The following PCDHA10 variants were observed in gnomAD, a reference collection of about 807,000 sequenced individuals.
The protein encoded by PCDHA10 is protocadherin alpha 10.
Under a neutral mutation model 61.2 loss-of-function variants are expected in PCDHA10, and 45 were observed. The ratio of observed to expected loss-of-function variants is 0.74; its 90% CI spans 0.58 to 0.94. The LOEUF is 0.94. PCDHA10 is among the 40% of genes least tolerant of loss of function. The probability of loss-of-function intolerance (pLI) is 0.00; values close to 1 mark genes in which losing one functional copy is unlikely to be tolerated. For synonymous variants in PCDHA10, 602 were observed against 548.8 expected (o/e 1.10, Z -1.35); for missense variants, 1,278 against 1,236.2 (o/e 1.03, Z -0.51).
At chr5:140,868,877 C>A in intron 1 of PCDHA10, 1 of 684,342 alleles carries the variant, frequency 1.5e-6, no homozygotes, top group Non-Finnish European at 2.3e-6. Flanking sequence ...GCACAGTACT[C>A]ACAGTTTTAG....
chr5:140,883,412 A>G, intron 1 of PCDHA10: 1 of 1,614,152 alleles, frequency 6.2e-7, no homozygotes, highest in African/African-American at 1.3e-5. Context: ...CTCTGGCTCA[A>G]ATGGACAGGT....
In PCDHA10 at chr5:140,857,548, G is replaced by C. The variant is rs782667639; in HGVS notation, c.1500G>C (p.Glu500Asp). Reference sequence around the variant, plus strand: ...CTCTGGTGGAGCGGCGGTTGGGCGAGCGCTCGCTGTCGAGCTACGTGTCGG... The same window carrying C: ...CTCTGGTGGAGCGGCGGTTGGGCGACCGCTCGCTGTCGAGCTACGTGTCGG... ...SYSLVERRLG[E>D]RSLSSYVSVH... Residue 500 changes from glutamate to aspartate, a missense_variant, in exon 1 of 4, where the codon GAG becomes GAC. Coordinates refer to ENST00000307360, the MANE Select transcript of PCDHA10 (RefSeq NM_018901.4). The C allele has an allele frequency of 5.1e-5, 81 of 1,596,888 alleles. 3 individuals are homozygous for C. In the Middle Eastern group the frequency reaches 9.5e-4, roughly 19 times the overall value.
intron 1 of PCDHA10, chr5:140,870,584 T>A (rs782563992): frequency 1.1e-5 from 18 of 1,613,672 alleles, no homozygotes; most frequent in Non-Finnish European, 1.3e-5. Flanking sequence ...TACTCGCTGG[T>A]GGAGCGGCGG....
intron 1 of PCDHA10, chr5:140,878,044 G>A (rs1554170271): frequency 1.9e-6 from 1 of 516,218 alleles, no homozygotes; most frequent in Admixed American, 3.9e-5. Flanking sequence ...TGGAGGCCAT[G>A]GAGCACCACA....
intron 1 of PCDHA10, among the ~76,000 whole-genome samples, chr5:140,925,728 TAAATATTTACAGAAAGA>T (rs1554202900): frequency 6.6e-6 from 1 of 151,870 alleles, no homozygotes; most frequent in African/African-American, 2.4e-5. Context: ...TGGTGTTTTC[TAAATATTTACAGAAAGA>T]AAATTTACAG....
chr5:140,975,056 A>C (rs1006106436), intron 1 of PCDHA10, among the ~76,000 whole-genome samples: 1 of 152,154 alleles, frequency 6.6e-6, no homozygotes, highest in Non-Finnish European at 1.5e-5. Flanking sequence ...AGAATCTACT[A>C]TCGAGCTCAT....
intron 1 of PCDHA10, chr5:140,862,433 G>C (rs781821294): frequency 2.8e-6 from 1 of 354,766 alleles, no homozygotes; most frequent in African/African-American, 2.1e-5. Context: ...GAAACTATTC[G>C]TTGGTACTCC....
chr5:140,951,544 G>T (rs543008494), intron 1 of PCDHA10, among the ~76,000 whole-genome samples: 1 of 151,878 alleles, frequency 6.6e-6, no homozygotes, highest in Non-Finnish European at 1.5e-5. Flanking sequence ...AGCAAGGGAC[G>T]GGGGGAAGTG....
At chr5:140,861,422 T>G in intron 1 of PCDHA10, 1 of 482,430 alleles carries the variant, frequency 2.1e-6, no homozygotes, top group Admixed American at 2.1e-5. Flanking sequence ...CGCGCCTGTT[T>G]CAGTTGGATT....
intron 1 of PCDHA10, among the ~76,000 whole-genome samples, chr5:140,898,811 C>T (rs1277456601): frequency 6.6e-6 from 1 of 152,190 alleles, no homozygotes; most frequent in Non-Finnish European, 1.5e-5. Context: ...ACTGATTCTT[C>T]CTACCCATGA....
chr5:140,884,352 A>C, intron 1 of PCDHA10: 1 of 1,613,828 alleles, frequency 6.2e-7, no homozygotes, highest in African/African-American at 1.3e-5. Context: ...GCGCTGGTGG[A>C]TGTCAATGTT....
rs80062832 is a variant in PCDHA10 at position 140,889,250 on chromosome 5, C to T, written c.2388+30814C>T. ...AAAACTTCCAGAAAATTTTCTGTTT[C>T]CTGTAAAAGTTTGTATAATCTTTGA... On this transcript the variant is annotated intron_variant, in intron 1 of 3. Transcript: ENST00000307360. Among the ~76,000 whole-genome samples, 79 of 151,798 alleles carry T rather than the reference C, an allele frequency of 5.2e-4. No homozygotes were observed. In the East Asian group the frequency reaches 0.014, roughly 27 times the overall value.
rs1197189729 is a variant in PCDHA10, at chr5:141,011,926, G to A, written c.*1989G>A. On this transcript the variant is annotated 3_prime_UTR_variant, in exon 4 of 4. Transcript: ENST00000307360. ...TTAGGCATTAATATAAAAGAGGTAG[G>A]AGTCTGTTATTTAAAAAAAGCATTA... 1 of 153,498 alleles carries A rather than the reference G, an allele frequency of 6.5e-6. No individual in the cohort carries two copies. Among genetic ancestry groups the A allele is most frequent in the African/African-American group, 2.4e-5 (1 of 41,380 alleles). 9.5% of individuals were successfully genotyped at this position (153,498 alleles called of 1,614,324 possible).
chr5:140,971,392 T>C (rs1399891976), intron 1 of PCDHA10, among the ~76,000 whole-genome samples: 1 of 152,154 alleles, frequency 6.6e-6, no homozygotes, highest in East Asian at 1.9e-4. Flanking sequence ...TAAAGGCAAA[T>C]TTCTGCCAGG....
intron 3 of PCDHA10, among the ~76,000 whole-genome samples, chr5:140,996,177 C>T (rs1214472705): frequency 6.6e-6 from 1 of 152,226 alleles, no homozygotes; most frequent in Non-Finnish European, 1.5e-5. Flanking sequence ...GCTGACAGCA[C>T]CTCCATTTTA....
intron 1 of PCDHA10, among the ~76,000 whole-genome samples, chr5:140,939,327 C>T (rs2092367339): frequency 6.6e-6 from 1 of 152,146 alleles, no homozygotes; most frequent in South Asian, 2.1e-4. Flanking sequence ...ATATCATAAT[C>T]TTAGGGGTTA....
At chr5:140,996,431 T>C (rs1294673547) in intron 3 of PCDHA10, among the ~76,000 whole-genome samples, 1 of 152,182 alleles carries the variant, frequency 6.6e-6, no homozygotes, top group African/African-American at 2.4e-5. Flanking sequence ...ACTTTGGGAA[T>C]AGTCAGTGTC....
At chr5:140,858,533 T>C in intron 1 of PCDHA10, 97 bp downstream of exon 1, 4 of 1,397,322 alleles carry the variant, frequency 2.9e-6, no homozygotes, top group Non-Finnish European at 4.0e-6. Context: ...TTCATTTTTG[T>C]CTACATTCCA....
At chr5:140,962,665 C>G (rs1457197885) in intron 1 of PCDHA10, among the ~76,000 whole-genome samples, 1 of 152,146 alleles carries the variant, frequency 6.6e-6, no homozygotes, top group African/African-American at 2.4e-5. Context: ...TTTTCATCTT[C>G]CCATCCACTG....
Sources: gnomAD v4.1 joint callset for allele counts (sites outside exome capture counted in the v4.1 genomes callset) on GRCh38, gnomAD v4.1.1 for gene constraint, MANE v1.5 for transcripts, NCBI Gene and HGNC (gene_info 2026-07-23, HGNC 2026-07-21) for gene names.